Variants in MDGA2 observed in about 807,000 individuals in gnomAD.
MDGA2 encodes MAM domain containing glycosylphosphatidylinositol anchor 2.
MDGA2 carries 40 observed loss-of-function variants against 117.8 expected under a neutral mutation model. The ratio of observed to expected loss-of-function variants is 0.34; its 90% CI spans 0.26 to 0.44. The LOEUF is 0.44. Among genes scored for constraint, MDGA2 ranks in the 20% least tolerant of loss-of-function variants. MDGA2 has a pLI of 1.00. For synonymous variants in MDGA2, 452 were observed against 439.0 expected, an observed-to-expected ratio of 1.03 and a Z score of -0.37; for missense variants, 1,123 against 1,250.6, an observed-to-expected ratio of 0.90 and a Z score of 1.54.
chr14:47,174,145 A>G (rs2139336919), intron 3 of MDGA2, among the ~76,000 whole-genome samples: 1 of 152,276 alleles, frequency 6.6e-6, no homozygotes, highest in Non-Finnish European at 1.5e-5. Context: ...CAGATTCATA[A>G]AGCAAGTCCT....
chr14:47,338,237 T>A (rs76888783), intron 1 of MDGA2, among the ~76,000 whole-genome samples: 1 of 152,074 alleles, frequency 6.6e-6, no homozygotes, highest in South Asian at 2.1e-4. Context: ...TTATTTGATA[T>A]GGTCTGCTTT....
intron 3 of MDGA2, chr14:47,200,820 C>A: frequency 1.3e-6 from 1 of 798,532 alleles, no homozygotes; most frequent in Non-Finnish European, 2.2e-6. Context: ...ACCTTCAGGG[C>A]AGCAGGAGCC....
chr14:47,209,531 T>C (rs1324681839), intron 3 of MDGA2, among the ~76,000 whole-genome samples: 1 of 152,180 alleles, frequency 6.6e-6, no homozygotes, highest in Non-Finnish European at 1.5e-5. Flanking sequence ...GAGGGTGCAT[T>C]TGACCAGTAC....
At position 46,978,303 on chromosome 14, in the gene MDGA2, C is replaced by A. The variant is rs186421404; in HGVS notation, c.1820-20660G>T. The stretch of plus-strand genomic sequence containing the variant: ...TTCATATTTAGAAAATGTTTTAATA[C>A]ATCACTGTAATTAGGTTTCAAAATT... On this transcript the variant is annotated intron_variant, in intron 8 of 16. Coordinates refer to ENST00000399232, the MANE Select transcript of MDGA2 (RefSeq NM_001113498.3). Among the ~76,000 whole-genome samples the A allele has an allele frequency of 3.8e-3, 583 of 151,886 alleles. 8 individuals are homozygous for A. Among genetic ancestry groups the A allele is most frequent in the African/African-American group, 0.014 (572 of 41,486 alleles).
At chr14:47,087,778 ACT>A (rs1449193695) in intron 6 of MDGA2, among the ~76,000 whole-genome samples, 1 of 141,094 alleles carries the variant, frequency 7.1e-6, no homozygotes, top group Non-Finnish European at 1.5e-5. Flanking sequence ...TTGTCTTGGC[ACT>A]GTTTTACAAC....
intron 2 of MDGA2, among the ~76,000 whole-genome samples, chr14:47,233,887 T>C (rs1223273727): frequency 6.6e-6 from 1 of 152,120 alleles, no homozygotes; most frequent in Non-Finnish European, 1.5e-5. Flanking sequence ...CCCCTACTAA[T>C]GGATCTCTCT....
chr14:46,949,810 A>C (rs2138607622), intron 9 of MDGA2, among the ~76,000 whole-genome samples: 1 of 152,062 alleles, frequency 6.6e-6, no homozygotes, highest in South Asian at 2.1e-4. Flanking sequence ...GCTGCAATAA[A>C]CATAGGAGTT....
chr14:47,593,447 T>C (rs1896479516), intron 1 of MDGA2, among the ~76,000 whole-genome samples: 1 of 152,180 alleles, frequency 6.6e-6, no homozygotes, highest in Admixed American at 6.6e-5. Flanking sequence ...CACGCCACGC[T>C]ATTCACATTA....
intron 14 of MDGA2, 55 bp downstream of exon 14, chr14:46,873,378 T>C: frequency 6.8e-7 from 1 of 1,475,478 alleles, no homozygotes; most frequent in Non-Finnish European, 9.1e-7. Context: ...TTATGAACCT[T>C]TTTCTTCTTA....
chr14:46,994,514 AAC>A (rs60903573), intron 8 of MDGA2, among the ~76,000 whole-genome samples: 22,895 of 149,956 alleles, frequency 0.15, 2,066 homozygotes, highest in Admixed American at 0.32. Context: ...CACACATACA[AAC>A]ACACACACAC....
intron 1 of MDGA2, among the ~76,000 whole-genome samples, chr14:47,397,101 A>G (rs1455477051): frequency 3.3e-5 from 5 of 152,224 alleles, no homozygotes; most frequent in Admixed American, 6.5e-5. Context: ...TCAATGACAG[A>G]CTGGATAAAG....
rs563349166 is a variant in MDGA2, at chr14:47,124,528, A to T, written c.925+7186T>A. ...GCATATATTATAAACTTATGTCTGA[A>T]ATTTTAAGGAAAAGCAATCCTAAAT... On this transcript the variant is annotated intron_variant, in intron 5 of 16. Coordinates refer to ENST00000399232, the MANE Select transcript of MDGA2 (RefSeq NM_001113498.3). Among the ~76,000 whole-genome samples, 10 of 152,186 alleles carry T rather than the reference A, an allele frequency of 6.6e-5. No homozygotes were observed. The South Asian group carries it at 2.1e-3, about 32-fold the overall frequency.
rs1187631096 is a variant in MDGA2 at position 46,992,287 on chromosome 14, C to G, written c.1820-34644G>C. ...GAGGTGGCTAAATTGTTAAAATGTCCACAGTAAAATTAAATCTATATTTTT... is the reference window on the plus strand; with the variant it reads ...GAGGTGGCTAAATTGTTAAAATGTCGACAGTAAAATTAAATCTATATTTTT... On this transcript the variant is annotated intron_variant, in intron 8 of 16. Transcript: ENST00000399232. 2.0e-5 allele frequency among the ~76,000 whole-genome samples: 3 copies of G among 152,114 alleles called. No individual in the cohort carries two copies. In the South Asian group the frequency reaches 6.2e-4, roughly 32 times the overall value.
intron 5 of MDGA2, among the ~76,000 whole-genome samples, chr14:47,116,431 C>A (rs1163693234): frequency 6.6e-6 from 1 of 151,762 alleles, no homozygotes; most frequent in Admixed American, 6.6e-5. Context: ...CATATGGAAC[C>A]ACAAAAACCA....
At chr14:47,057,444 A>T (rs1889719122) in intron 7 of MDGA2, among the ~76,000 whole-genome samples, 1 of 152,118 alleles carries the variant, frequency 6.6e-6, no homozygotes, top group Non-Finnish European at 1.5e-5. Context: ...CACAGGAAAG[A>T]AATCTAAAGG....
intron 1 of MDGA2, among the ~76,000 whole-genome samples, chr14:47,468,071 TCTA>T (rs1893640471): frequency 6.6e-6 from 1 of 152,118 alleles, no homozygotes; most frequent in Non-Finnish European, 1.5e-5. Flanking sequence ...GTTTTGCATT[TCTA>T]CAAGGTAAGT....
chr14:47,377,252 A>G (rs1258018512), intron 1 of MDGA2, among the ~76,000 whole-genome samples: 3 of 152,194 alleles, frequency 2.0e-5, no homozygotes, highest in Admixed American at 6.5e-5. Flanking sequence ...CAGTCATTCC[A>G]AGATGGCCAA....
intron 8 of MDGA2, among the ~76,000 whole-genome samples, chr14:46,989,196 G>A (rs1401931539): frequency 6.6e-6 from 1 of 151,864 alleles, no homozygotes; most frequent in Non-Finnish European, 1.5e-5. Flanking sequence ...TGTCTATGTA[G>A]TTTTCCCCAA....
chr14:46,958,410 C>T (rs1885648799), intron 8 of MDGA2, among the ~76,000 whole-genome samples: 2 of 152,128 alleles, frequency 1.3e-5, no homozygotes, highest in Admixed American at 1.3e-4. Context: ...TCAAGGAATG[C>T]ATTTTCTTGG....
Sources: gnomAD v4.1 joint callset for allele counts (sites outside exome capture counted in the v4.1 genomes callset) on GRCh38, gnomAD v4.1.1 for gene constraint, MANE v1.5 for transcripts, NCBI Gene and HGNC (gene_info 2026-07-23, HGNC 2026-07-21) for gene names.